FSIP2: variants seen among roughly 807,000 people sequenced by gnomAD.
FSIP2 encodes fibrous sheath-interacting protein 2.
A neutral mutation model predicts 510.5 loss-of-function variants in FSIP2; 367 were observed. The observed-to-expected ratio is 0.72, with a 90% confidence interval of 0.66 to 0.78. FSIP2 has a LOEUF of 0.78. FSIP2 is among the 30% of genes least tolerant of loss of function. FSIP2 has a pLI of 0.00. For synonymous variants in FSIP2, 2,601 were observed against 2,732.2 expected (o/e 0.95, Z 1.50); for missense variants, 7,594 against 7,901.7 (o/e 0.96, Z 1.48).
At position 185,797,263 on chromosome 2, in the gene FSIP2, A is replaced by G. The variant is rs1206038137; in HGVS notation, c.10127A>G (p.Asp3376Gly). Residue 3376 changes from aspartate to glycine, a missense_variant, in exon 16 of 23, where the codon GAT becomes GGT. Coordinates refer to ENST00000424728, the MANE Select transcript of FSIP2 (RefSeq NM_173651.4). ...SLSEVSGGQK[D>G]NEKSLLRMQD... ...TCTGAAGTATCTGGAGGGCAAAAGGATAACGAAAAAAGTTTGCTTAGAATG... is the reference window on the plus strand; with the variant it reads ...TCTGAAGTATCTGGAGGGCAAAAGGGTAACGAAAAAAGTTTGCTTAGAATG... The G allele has an allele frequency of 6.5e-7, 1 of 1,534,574 alleles. No individual in the cohort carries two copies. Among genetic ancestry groups the G allele is most frequent in the Non-Finnish European group, 8.7e-7 (1 of 1,146,112 alleles).
Position 185,800,411 on chromosome 2 carries a change from T to C in FSIP2, c.11105T>C (p.Ile3702Thr), listed in dbSNP as rs1693405580. 1.3e-6 allele frequency: 2 copies of C among 1,526,878 alleles called. No individual in the cohort carries two copies. The highest frequency in any genetic ancestry group is 1.7e-6 in the Non-Finnish European group (2 of 1,143,536). 94.6% of individuals were successfully genotyped at this position (1,526,878 alleles called of 1,614,324 possible). Residue 3702 changes from isoleucine to threonine, a missense_variant, in exon 17 of 23, where the codon ATT (isoleucine) becomes ACT (threonine). Coordinates refer to ENST00000424728, the MANE Select transcript of FSIP2 (RefSeq NM_173651.4). Reference sequence around the variant, plus strand: ...GAAGTAGTCAATAAAGTTTTTAATATTGTTTCAGATTTATTTTCACCAGAT... The same window carrying C: ...GAAGTAGTCAATAAAGTTTTTAATACTGTTTCAGATTTATTTTCACCAGAT... ...SKEVVNKVFN[I>T]VSDLFSPDEC... is the part of the protein sequence containing the mutation.
intron 12 of FSIP2, among the ~76,000 whole-genome samples, chr2:185,763,990 T>C (rs906999641): frequency 2.0e-5 from 3 of 151,616 alleles, no homozygotes; most frequent in African/African-American, 7.3e-5. Context: ...ACCATATCAA[T>C]AGCCACATTA....
chr2:185,768,759 T>A (rs1692547575), intron 13 of FSIP2, among the ~76,000 whole-genome samples: 1 of 152,110 alleles, frequency 6.6e-6, no homozygotes, highest in South Asian at 2.1e-4. Context: ...TACTCAATCA[T>A]TATTTTTTCT....
intron 13 of FSIP2, among the ~76,000 whole-genome samples, chr2:185,779,306 T>TC: frequency 6.6e-6 from 1 of 151,910 alleles, no homozygotes; most frequent in Middle Eastern, 3.4e-3. Flanking sequence ...TCTAGTTTTT[T>TC]TTTTACTGTT....
At chr2:185,758,780 T>C (rs1461692702) in intron 9 of FSIP2, among the ~76,000 whole-genome samples, 1 of 151,290 alleles carries the variant, frequency 6.6e-6, no homozygotes, top group Non-Finnish European at 1.5e-5. Flanking sequence ...CATCGATAGC[T>C]GGGCCTATTT....
Position 185,801,400 on chromosome 2 carries a change from A to G in FSIP2, c.12094A>G (p.Arg4032Gly). 1 of 1,534,192 alleles carries G rather than the reference A, an allele frequency of 6.5e-7. No individual in the cohort carries two copies. The highest frequency in any genetic ancestry group is 8.7e-7 in the Non-Finnish European group (1 of 1,145,620). Reference sequence around the variant, plus strand: ...CACTGTTCTACGGAATGCTGAAGAAAGGCTGTGTTTTCCACCAGTTCATAC... The same window carrying G: ...CACTGTTCTACGGAATGCTGAAGAAGGGCTGTGTTTTCCACCAGTTCATAC... ...QVTVLRNAEE[R>G]LCFPPVHTET... Residue 4032 changes from arginine (R) to glycine (G), a missense_variant, in exon 17 of 23, where the codon AGG (arginine) becomes GGG (glycine). Physicochemically the swap from Arg to Gly is moderately radical, Grantham distance 125 (BLOSUM62 -2). Coordinates refer to ENST00000424728, the MANE Select transcript of FSIP2 (RefSeq NM_173651.4).
chr2:185,785,909 A>ACTC (rs913886893), intron 14 of FSIP2, among the ~76,000 whole-genome samples: 13 of 151,974 alleles, frequency 8.6e-5, no homozygotes, highest in Middle Eastern at 3.4e-3. Flanking sequence ...GTCAGAAGGG[A>ACTC]CTCATCTGCC....
At chr2:185,823,291 A>T (rs1444848358) in intron 19 of FSIP2, among the ~76,000 whole-genome samples, 2 of 151,850 alleles carry the variant, frequency 1.3e-5, no homozygotes, top group East Asian at 3.9e-4. Flanking sequence ...GGAATGGGAG[A>T]AAATATTTGC....
Position 185,788,223 on chromosome 2 carries a change from T to C in FSIP2, c.1507-420T>C, listed in dbSNP as rs570950501. 3.8e-3 allele frequency: 576 copies of C among 152,930 alleles called. 4 individuals carry two copies. The highest frequency in any genetic ancestry group is 6.9e-3 in the Non-Finnish European group (474 of 68,680). The allele number at this position is 152,930 out of a possible 1,614,324, so 9.5% of individuals were successfully genotyped here. On this transcript the variant is annotated intron_variant, in intron 15 of 22. Coordinates refer to ENST00000424728, the MANE Select transcript of FSIP2 (RefSeq NM_173651.4). ...TTTTGACTGGATCTGTCTTGAGAAA[T>C]GTTTTGTTAGAAATATTTAATGTAT...
chr2:185,794,158 T>A lies in FSIP2; in HGVS notation c.7022T>A (p.Ile2341Asn). ...VGRREKLGST[I>N]HLSQARLKTY... ...CGCAGAGAAAAACTTGGATCCACAA[T>A]TCACCTATCGCAAGCTAGGCTTAAG... Residue 2341 changes from isoleucine to asparagine, a missense_variant, in exon 16 of 23, where the codon ATT (isoleucine) becomes AAT (asparagine). Physicochemically the swap from Ile to Asn is moderately radical, Grantham distance 149. Transcript: ENST00000424728. 6.5e-7 allele frequency: 1 copy of A among 1,533,838 alleles called. No individual in the cohort carries two copies. Among genetic ancestry groups the A allele is most frequent in the Non-Finnish European group, 8.7e-7 (1 of 1,145,436 alleles).
chr2:185,793,201 G>C lies in FSIP2; in HGVS notation c.6065G>C (p.Arg2022Thr). The C allele has an allele frequency of 6.5e-7, 1 of 1,533,782 alleles. No individual in the cohort carries two copies. ...QGIKQELDKE[R>T]ENPFLTHDIG... Reference sequence around the variant, plus strand: ...ATCAAACAGGAATTAGATAAAGAAAGGGAAAATCCTTTTTTAACTCATGAC... The same window carrying C: ...ATCAAACAGGAATTAGATAAAGAAACGGAAAATCCTTTTTTAACTCATGAC... Residue 2022 changes from arginine to threonine, a missense_variant, in exon 16 of 23, where the codon AGG (arginine) becomes ACG (threonine). Physicochemically the swap from Arg to Thr is moderately conservative, Grantham distance 71. Transcript: ENST00000424728.
intron 13 of FSIP2, among the ~76,000 whole-genome samples, chr2:185,776,580 T>G (rs944456807): frequency 1.3e-5 from 2 of 152,220 alleles, no homozygotes; most frequent in South Asian, 4.1e-4. Context: ...ATTTTTAATT[T>G]ATTTGAATTA....
Position 185,807,210 on chromosome 2 carries a change from T to C in FSIP2, c.17904T>C (p.Asp5968=), listed in dbSNP as rs777501811. Residue 5968 remains aspartate (D), a synonymous_variant, in exon 17 of 23, where the codon GAT becomes GAC. Coordinates refer to ENST00000424728, the MANE Select transcript of FSIP2 (RefSeq NM_173651.4). ...GTCAGGTTAACTTGATATTTTGTGA[T>C]GAGGTTTCAGTTTCAGCATGTTTGC... The part of the protein sequence containing the change: ...FQRQVNLIFC[D]EVSVSACLPL... 16 of 1,604,064 alleles carry C rather than the reference T, an allele frequency of 1.0e-5. No homozygotes were observed. Among genetic ancestry groups the C allele is most frequent in the East Asian group, 8.9e-5 (4 of 44,782 alleles).
chr2:185,793,432 G>A lies in FSIP2; in HGVS notation c.6296G>A (p.Cys2099Tyr), dbSNP rs1693187311. Residue 2099 changes from cysteine to tyrosine, a missense_variant, in exon 16 of 23, where the codon TGT becomes TAT. Transcript: ENST00000424728. ...CAAGATACCATTGAAGGTATCCTATGTGATATTTATGAAAAAACCCTGTTT... is the reference window on the plus strand; with the variant it reads ...CAAGATACCATTGAAGGTATCCTATATGATATTTATGAAAAAACCCTGTTT... Reference protein sequence around the residue: ...QIQDTIEGILCDIYEKTLFQN... With the variant: ...QIQDTIEGILYDIYEKTLFQN... 2.6e-6 allele frequency: 4 copies of A among 1,534,066 alleles called. No individual in the cohort carries two copies. The East Asian group carries it at 9.8e-5, about 38-fold the overall frequency.
chr2:185,746,220 T>C (rs1692029915), intron 5 of FSIP2, among the ~76,000 whole-genome samples: 1 of 152,110 alleles, frequency 6.6e-6, no homozygotes, highest in Non-Finnish European at 1.5e-5. Flanking sequence ...AGATGAGAGA[T>C]TTGTTCAAGG....
Position 185,805,779 on chromosome 2 carries a change from A to C in FSIP2, c.16473A>C (p.Val5491=). ...AAAAAGGTGACATCCAAAATCCAGT[A>C]CTTAGCTCTATAAATGCAATTATGA... ...SVKKGDIQNP[V]LSSINAIMKS... is the part of the protein sequence containing the mutation. The change falls in exon 17 of 23, where the codon GTA becomes GTC. Residue 5491 remains valine, a synonymous_variant. Coordinates refer to ENST00000424728, the MANE Select transcript of FSIP2 (RefSeq NM_173651.4). 6.2e-7 allele frequency: 1 copy of C among 1,604,098 alleles called. No homozygotes were observed. Among genetic ancestry groups the C allele is most frequent in the Non-Finnish European group, 8.5e-7 (1 of 1,176,588 alleles).
intron 13 of FSIP2, among the ~76,000 whole-genome samples, chr2:185,776,109 A>G (rs139259879): frequency 0.013 from 2,047 of 152,222 alleles, 28 homozygotes; most frequent in Non-Finnish European, 0.019. Context: ...GTCTCTACCT[A>G]AAGTACAAAA....
Position 185,789,882 on chromosome 2 carries a change from A to T in FSIP2, c.2746A>T (p.Ile916Leu). 6.5e-7 allele frequency: 1 copy of T among 1,532,290 alleles called. No individual in the cohort carries two copies. Among genetic ancestry groups the T allele is most frequent in the Non-Finnish European group, 8.7e-7 (1 of 1,143,944 alleles). The allele number at this position is 1,532,290 out of a possible 1,614,324, so 94.9% of individuals were successfully genotyped here. ...EEAINAILGYIQTELNNERII... is the reference protein window; with the variant it reads ...EEAINAILGYLQTELNNERII... Reference sequence around the variant, plus strand: ...AGCAATCAATGCTATACTAGGTTATATACAAACTGAACTAAATAATGAGAG... The same window carrying T: ...AGCAATCAATGCTATACTAGGTTATTTACAAACTGAACTAAATAATGAGAG... Residue 916 changes from isoleucine (I) to leucine (L), a missense_variant, in exon 16 of 23, where the codon ATA (isoleucine) becomes TTA (leucine). Coordinates refer to ENST00000424728, the MANE Select transcript of FSIP2 (RefSeq NM_173651.4).
At chr2:185,823,902 A>C (rs1693969128) in intron 19 of FSIP2, among the ~76,000 whole-genome samples, 1 of 151,822 alleles carries the variant, frequency 6.6e-6, no homozygotes, top group Non-Finnish European at 1.5e-5. Flanking sequence ...ATTCAGCCTT[A>C]AAAAAGGAAG....
Sources: allele counts gnomAD v4.1 joint callset (sites outside exome capture counted in the v4.1 genomes callset), GRCh38; gene constraint gnomAD v4.1.1; transcripts MANE v1.5; gene names NCBI Gene and HGNC (gene_info 2026-07-23, HGNC 2026-07-21).